Variants in SPATA17 observed in about 807,000 individuals in gnomAD.
The protein encoded by SPATA17 is spermatogenesis associated 17, also known as spermatogenesis-associated protein 17.
In SPATA17, 53 loss-of-function variants were observed where a neutral mutation model predicts 62.2. That is an observed-to-expected ratio of 0.85 (90% CI 0.68 to 1.07). SPATA17 has a LOEUF of 1.07. Among genes scored for constraint, SPATA17 ranks in the 50% least tolerant of loss-of-function variants. The probability of loss-of-function intolerance (pLI) is 0.00; values close to 1 mark genes in which losing one functional copy is unlikely to be tolerated. For synonymous variants in SPATA17, 146 were observed against 146.8 expected, an observed-to-expected ratio of 0.99 and a Z score of 0.04; for missense variants, 466 against 425.5, an observed-to-expected ratio of 1.10 and a Z score of -0.84.
intron 5 of SPATA17, among the ~76,000 whole-genome samples, chr1:217,727,247 C>CAAAAAAAATAAT (rs370247140): frequency 7.5e-6 from 1 of 132,776 alleles, no homozygotes; most frequent in African/African-American, 3.2e-5. Flanking sequence ...AACTCCGTCT[C>CAAAAAAAATAAT]AATAATAATA....
At chr1:217,651,253 C>T in intron 3 of SPATA17, 75 bp downstream of exon 3, 1 of 1,237,436 alleles carries the variant, frequency 8.1e-7, no homozygotes, top group Non-Finnish European at 1.1e-6. Flanking sequence ...AGTCATATTT[C>T]CATATAGTTT....
rs758472487 is a variant in SPATA17 at position 217,683,265 on chromosome 1, G to A, written c.299G>A (p.Arg100Lys). The A allele has an allele frequency of 1.9e-6, 3 of 1,599,762 alleles. No homozygotes were observed. Among genetic ancestry groups the A allele is most frequent in the Non-Finnish European group, 1.7e-6 (2 of 1,172,338 alleles). Reference protein sequence around the residue: ...LYNAMAVRIQRRWRGYRVRKY... With the variant: ...LYNAMAVRIQKRWRGYRVRKY... The stretch of plus-strand genomic sequence containing the variant: ...CTTTATTTACTTTAATAGATTCAGA[G>A]ACGATGGCGAGGCTATAGGGTTCGG... The change falls in exon 5 of 11, where the codon AGA becomes AAA. Residue 100 changes from arginine to lysine, a missense_variant. By Grantham distance (26) the Arg-to-Lys change is conservative. Coordinates refer to ENST00000366933, the MANE Select transcript of SPATA17 (RefSeq NM_138796.4).
chr1:217,642,131 C>T (rs1403193071), intron 1 of SPATA17, among the ~76,000 whole-genome samples: 2 of 152,148 alleles, frequency 1.3e-5, no homozygotes, highest in Non-Finnish European at 2.9e-5. Context: ...CTACCAGATA[C>T]TACCTGATTT....
rs530795184 is a variant in SPATA17, at chr1:217,713,536, G to A, written c.396-28439G>A. ...AAGAAATTTATAATGATCTATGGAG[G>A]GAATAGATTCTCCATCTGCCTTTGA... On this transcript the variant is annotated intron_variant, in intron 5 of 10. Coordinates refer to ENST00000366933, the MANE Select transcript of SPATA17 (RefSeq NM_138796.4). 6.6e-4 allele frequency among the ~76,000 whole-genome samples: 100 copies of A among 152,278 alleles called. 5 individuals are homozygous for A. In the South Asian group the frequency reaches 0.02, roughly 31 times the overall value.
chr1:217,655,133 C>A (rs531341225), intron 3 of SPATA17, among the ~76,000 whole-genome samples: 56 of 152,258 alleles, frequency 3.7e-4, no homozygotes, highest in African/African-American at 1.3e-3. Context: ...AGCAAAAAAT[C>A]TTTTCCAGGG....
intron 9 of SPATA17, among the ~76,000 whole-genome samples, chr1:217,839,549 G>A (rs923840673): frequency 1.3e-5 from 2 of 151,836 alleles, no homozygotes; most frequent in Admixed American, 6.6e-5. Flanking sequence ...TTACAGTCTC[G>A]GGACAGGACT....
intron 9 of SPATA17, among the ~76,000 whole-genome samples, chr1:217,830,695 G>A (rs1009817753): frequency 6.6e-6 from 1 of 152,010 alleles, no homozygotes. Context: ...ATACTTCCAG[G>A]CTGATTAGAG....
At chr1:217,806,831 T>C (rs1056808261) in intron 9 of SPATA17, among the ~76,000 whole-genome samples, 1 of 152,142 alleles carries the variant, frequency 6.6e-6, no homozygotes, top group South Asian at 2.1e-4. Flanking sequence ...GTCTCCAATA[T>C]AGTCACATTG....
intron 6 of SPATA17, among the ~76,000 whole-genome samples, chr1:217,753,268 T>C (rs528227433): frequency 4.6e-5 from 7 of 152,328 alleles, no homozygotes; most frequent in African/African-American, 1.4e-4. Flanking sequence ...GTGGACTCCA[T>C]TCATGTACTA....
chr1:217,749,310 G>C (rs1416377587), intron 6 of SPATA17, among the ~76,000 whole-genome samples: 3 of 152,128 alleles, frequency 2.0e-5, no homozygotes, highest in Admixed American at 1.3e-4. Flanking sequence ...CAGGCAAAAG[G>C]ATGTATGCCT....
intron 7 of SPATA17, among the ~76,000 whole-genome samples, chr1:217,781,595 G>T (rs1194789306): frequency 6.6e-6 from 1 of 152,104 alleles, no homozygotes; most frequent in Admixed American, 6.6e-5. Context: ...ATTGGTATCA[G>T]AGTAATTGAA....
At position 217,831,351 on chromosome 1, in the gene SPATA17, G is replaced by A. The variant is rs181239368; in HGVS notation, c.1005+29501G>A. Among the ~76,000 whole-genome samples the A allele has an allele frequency of 5.6e-3, 852 of 152,082 alleles. 11 individuals carry two copies. Among genetic ancestry groups the A allele is most frequent in the African/African-American group, 0.019 (793 of 41,436 alleles). On this transcript the variant is annotated intron_variant, in intron 9 of 10. Coordinates refer to ENST00000366933, the MANE Select transcript of SPATA17 (RefSeq NM_138796.4). ...AGCTGTTTTCTTTGCTTATCCCAGA[G>A]ACGTTCACTCTTAATATGCTCAATA...
At position 217,712,125 on chromosome 1, in the gene SPATA17, G is replaced by GT. The variant is rs1228367779; in HGVS notation, c.395+28766dup. On this transcript the variant is annotated intron_variant, in intron 5 of 10. Transcript: ENST00000366933. ...AGTGGACCCTTAAGTTCTACAATAT[G>GT]TTCTTTTGTTTTTTTTTTTTTACGG... Among the ~76,000 whole-genome samples the GT allele has an allele frequency of 8.6e-3, 902 of 104,302 alleles. 15 individuals are homozygous for GT. Among genetic ancestry groups the GT allele is most frequent in the Non-Finnish European group, 0.012 (580 of 47,902 alleles). 68.4% of individuals were successfully genotyped at this position (104,302 alleles called of 152,430 possible).
intron 5 of SPATA17, among the ~76,000 whole-genome samples, chr1:217,721,844 C>A (rs1672135238): frequency 1.3e-5 from 2 of 152,268 alleles, no homozygotes; most frequent in South Asian, 4.1e-4. Flanking sequence ...ATTCTCCCAG[C>A]AACCCAAGTA....
At chr1:217,776,979 C>T (rs750999288) in intron 7 of SPATA17, among the ~76,000 whole-genome samples, 2 of 152,108 alleles carry the variant, frequency 1.3e-5, no homozygotes, top group African/African-American at 4.8e-5. Flanking sequence ...CTGCCATGTT[C>T]GAAATGAGTA....
At chr1:217,790,954 G>A (rs1335335022) in intron 8 of SPATA17, among the ~76,000 whole-genome samples, 1 of 152,082 alleles carries the variant, frequency 6.6e-6, no homozygotes, top group Non-Finnish European at 1.5e-5. Flanking sequence ...TTTGACTTGT[G>A]TAGTTTTTTC....
At chr1:217,722,522 CA>C (rs1281059601) in intron 5 of SPATA17, among the ~76,000 whole-genome samples, 1 of 152,038 alleles carries the variant, frequency 6.6e-6, no homozygotes, top group Non-Finnish European at 1.5e-5. Flanking sequence ...AAACCTCTTT[CA>C]AAATCATACC....
At chr1:217,860,724 T>C (rs1345555122) in intron 9 of SPATA17, among the ~76,000 whole-genome samples, 1 of 152,150 alleles carries the variant, frequency 6.6e-6, no homozygotes, top group Admixed American at 6.5e-5. Context: ...TTTTACCCTG[T>C]GTTTTCACAT....
intron 9 of SPATA17, among the ~76,000 whole-genome samples, chr1:217,839,825 G>A (rs1021686835): frequency 6.6e-6 from 1 of 151,924 alleles, no homozygotes; most frequent in South Asian, 2.1e-4. Flanking sequence ...CTTATTTTGA[G>A]AAGGCAATAG....
Sources: allele counts gnomAD v4.1 joint callset (sites outside exome capture counted in the v4.1 genomes callset), GRCh38; gene constraint gnomAD v4.1.1; transcripts MANE v1.5; gene names NCBI Gene and HGNC (gene_info 2026-07-23, HGNC 2026-07-21).